The following TMEM51 variants were observed in gnomAD, a reference collection of about 807,000 sequenced individuals.
TMEM51 encodes the protein transmembrane protein 51, also known as chromosome 1 open reading frame 72.
In TMEM51, 8 loss-of-function variants were observed where a neutral mutation model predicts 13.6. The ratio of observed to expected loss-of-function variants is 0.59; its 90% confidence interval spans 0.35 to 1.07. The LOEUF (loss-of-function observed/expected upper bound fraction) is 1.07, where lower values mean the gene tolerates loss of function less well. Ranked by LOEUF, TMEM51 falls within the 50% of genes least tolerant of loss-of-function variation. The pLI, the probability that TMEM51 is intolerant of heterozygous loss-of-function variation, is 0.02. For synonymous variants in TMEM51, 147 were observed against 144.4 expected, an observed-to-expected ratio of 1.02 and a Z score of -0.13; for missense variants, 279 against 330.7, an observed-to-expected ratio of 0.84 and a Z score of 1.21.
At chr1:15,194,949 G>T (rs1303958885) in intron 1 of TMEM51, among the ~76,000 whole-genome samples, 1 of 133,930 alleles carries the variant, frequency 7.5e-6, no homozygotes, top group Non-Finnish European at 1.5e-5. Context: ...TTGAGACAGG[G>T]TCTTGCTGTG....
chr1:15,201,784 G>A (rs79744644), intron 1 of TMEM51, among the ~76,000 whole-genome samples: 11 of 152,216 alleles, frequency 7.2e-5, no homozygotes, highest in East Asian at 3.9e-4. Context: ...ACAGCATTGC[G>A]GTGGCTAAAA....
At chr1:15,173,634 A>T (rs1016099322) in intron 1 of TMEM51, among the ~76,000 whole-genome samples, 9 of 151,666 alleles carry the variant, frequency 5.9e-5, no homozygotes, top group Admixed American at 5.9e-4. Context: ...CATAAATATC[A>T]TCTGTTTATT....
At chr1:15,162,002 C>T (rs1054576449) in intron 1 of TMEM51, among the ~76,000 whole-genome samples, 1 of 151,838 alleles carries the variant, frequency 6.6e-6, no homozygotes, top group Non-Finnish European at 1.5e-5. Context: ...GTGAGGGCCT[C>T]GGGCAGAAGG....
At chr1:15,205,355 A>G (rs1644231159) in intron 1 of TMEM51, among the ~76,000 whole-genome samples, 1 of 152,126 alleles carries the variant, frequency 6.6e-6, no homozygotes, top group Non-Finnish European at 1.5e-5. Flanking sequence ...AAGCCATGAC[A>G]TATTCTGGAA....
At chr1:15,176,944 A>G (rs1643472726) in intron 1 of TMEM51, among the ~76,000 whole-genome samples, 1 of 152,216 alleles carries the variant, frequency 6.6e-6, no homozygotes, top group African/African-American at 2.4e-5. Flanking sequence ...GGACTCTGAC[A>G]AAAAGAAGCA....
intron 1 of TMEM51, chr1:15,191,745 A>AT (rs35623540): frequency 1.3e-3 from 363 of 286,224 alleles, no homozygotes; most frequent in South Asian, 2.2e-3. Context: ...CTGGGGAGAA[A>AT]TTTTTTTTTT....
chr1:15,192,137 C>T (rs1643935113), intron 1 of TMEM51: 10 of 455,238 alleles, frequency 2.2e-5, no homozygotes, highest in South Asian at 1.6e-4. Context: ...TGATGAACAG[C>T]ATTTTCATTC....
intron 1 of TMEM51, among the ~76,000 whole-genome samples, chr1:15,172,058 T>C (rs1557836366): frequency 6.6e-6 from 1 of 152,098 alleles, no homozygotes; most frequent in African/African-American, 2.4e-5. Context: ...CCAGCCACGT[T>C]TGAAACTTCT....
At position 15,160,593 on chromosome 1, in the gene TMEM51, C is replaced by CA. The variant is rs1642743998; in HGVS notation, c.-267+6643dup. Among the ~76,000 whole-genome samples the CA allele has an allele frequency of 3.3e-5, 5 of 152,044 alleles. No homozygotes were observed. In the South Asian group the frequency reaches 8.3e-4, roughly 25 times the overall value. The stretch of plus-strand genomic sequence containing the variant: ...CCAGCAAGAACATGATTTTAAAAAA[C>CA]AAAACAAACACTCAAACTTTCTTAA... On this transcript the variant is annotated intron_variant, in intron 1 of 3. Transcript: ENST00000376008.
At chr1:15,194,491 C>T (rs10927713) in intron 1 of TMEM51, among the ~76,000 whole-genome samples, 16,363 of 152,156 alleles carry the variant, frequency 0.11, 1,159 homozygotes, top group South Asian at 0.18. Flanking sequence ...CAGTGGGCTC[C>T]GTGGCTCCCT....
chr1:15,218,825 T>C (rs12118545), intron 3 of TMEM51, among the ~76,000 whole-genome samples: 15,623 of 152,164 alleles, frequency 0.1, 1,025 homozygotes, highest in South Asian at 0.19. Flanking sequence ...AAGTCTTAAA[T>C]AGCTTGCCCC....
At chr1:15,189,671 C>G (rs1016730339) in intron 1 of TMEM51, among the ~76,000 whole-genome samples, 6 of 152,190 alleles carry the variant, frequency 3.9e-5, no homozygotes, top group African/African-American at 1.2e-4. Flanking sequence ...GATCTCCACT[C>G]CCTTCCCTCC....
rs555274126 is a variant in TMEM51 at position 15,167,326 on chromosome 1, C to CAA, written c.-267+13401_-267+13402dup. Among the ~76,000 whole-genome samples, 128 of 69,428 alleles carry CAA rather than the reference C, an allele frequency of 1.8e-3. 2 individuals are homozygous for CAA. Among genetic ancestry groups the CAA allele is most frequent in the East Asian group, 2.8e-3 (6 of 2,178 alleles). The allele number at this position is 69,428 out of a possible 152,430, so 45.5% of individuals were successfully genotyped here. On this transcript the variant is annotated intron_variant, in intron 1 of 3. Coordinates refer to ENST00000376008, the MANE Select transcript of TMEM51 (RefSeq NM_001136218.2). The stretch of plus-strand genomic sequence containing the variant: ...TGGGCGACAGAGCGAGACTCCATCT[C>CAA]AAAAAAAAAAAAAAAAAAAAAAAAA...
At chr1:15,175,100 C>T (rs188729920) in intron 1 of TMEM51, among the ~76,000 whole-genome samples, 47 of 152,260 alleles carry the variant, frequency 3.1e-4, no homozygotes, top group Non-Finnish European at 5.4e-4. Flanking sequence ...TCAACTTTGA[C>T]TCTAAACTAG....
At chr1:15,167,295 C>G (rs549611329) in intron 1 of TMEM51, among the ~76,000 whole-genome samples, 324 of 136,632 alleles carry the variant, frequency 2.4e-3, no homozygotes, top group African/African-American at 8.5e-3. Flanking sequence ...CCACTGCACT[C>G]CAGCCTGGGC....
chr1:15,166,349 T>C (rs1392548524), intron 1 of TMEM51, among the ~76,000 whole-genome samples: 4 of 152,080 alleles, frequency 2.6e-5, no homozygotes, highest in Non-Finnish European at 1.5e-5. Flanking sequence ...TATCTGGGCC[T>C]CCCTTCTGAG....
intron 1 of TMEM51, among the ~76,000 whole-genome samples, chr1:15,160,840 G>C (rs549612965): frequency 6.6e-6 from 1 of 151,996 alleles, no homozygotes; most frequent in African/African-American, 2.4e-5. Context: ...GCCCAGGAAC[G>C]AGGGAGAGTC....
chr1:15,158,296 G>A (rs893746864), intron 1 of TMEM51, among the ~76,000 whole-genome samples: 5 of 152,132 alleles, frequency 3.3e-5, no homozygotes, highest in African/African-American at 1.2e-4. Flanking sequence ...CCAGAGGGCC[G>A]TTTTTCTGCA....
Position 15,161,860 on chromosome 1 carries a change from C to T in TMEM51, c.-267+7906C>T, listed in dbSNP as rs868537814. Among the ~76,000 whole-genome samples, 3 of 151,892 alleles carry T rather than the reference C, an allele frequency of 2.0e-5. No homozygotes were observed. Among genetic ancestry groups the T allele is most frequent in the East Asian group, 3.9e-4 (2 of 5,164 alleles). ...AGAAGAATGGCTTGAACCCGGGAGG[C>T]GGAGGTTGCAGTGAGCCGAGATGGA... On this transcript the variant is annotated intron_variant, in intron 1 of 3. Coordinates refer to ENST00000376008, the MANE Select transcript of TMEM51 (RefSeq NM_001136218.2). This position sits in a 1 kb window ranked among gnomAD's most constrained non-coding sequence, Gnocchi z 4.0.
Sources: gnomAD v4.1 joint callset for allele counts (sites outside exome capture counted in the v4.1 genomes callset) on GRCh38, gnomAD v4.1.1 for gene constraint, Gnocchi (gnomAD v3.1) non-coding constraint, MANE v1.5 for transcripts, NCBI Gene and HGNC (gene_info 2026-07-23, HGNC 2026-07-21) for gene names.